The following CERT1 variants were observed in gnomAD, a reference collection of about 807,000 sequenced individuals.
CERT1 encodes the protein ceramide transfer protein.
A neutral mutation model predicts 87.9 loss-of-function variants in CERT1; 31 were observed. The ratio of observed to expected loss-of-function variants is 0.35; its 90% CI spans 0.27 to 0.48. The LOEUF is 0.48. Among genes scored for constraint, CERT1 ranks in the 20% least tolerant of loss-of-function variants. The pLI, the probability that CERT1 is intolerant of heterozygous loss-of-function variation, is 0.99. For missense variants in CERT1, 487 were observed against 758.0 expected (o/e 0.64, Z 4.20); for synonymous variants, 289 against 250.9 (o/e 1.15, Z -1.44).
chr5:75,369,736 T>A (rs146540481), intron 17 of CERT1: 18 of 152,328 alleles, frequency 1.2e-4, no homozygotes, highest in African/African-American at 4.3e-4. Flanking sequence ...AAATCCTGGT[T>A]TGGCATCTTC....
downstream of CERT1, chr5:75,377,707 A>G (rs972149962): frequency 6.6e-6 from 1 of 152,260 alleles, no homozygotes; most frequent in African/African-American, 2.4e-5. Context: ...AAAACTTTCT[A>G]GAAGAAACTA....
intron 8 of CERT1, among the ~76,000 whole-genome samples, chr5:75,409,321 A>G (rs1274276483): frequency 6.6e-6 from 1 of 152,250 alleles, no homozygotes; most frequent in East Asian, 1.9e-4. Flanking sequence ...AAGTCTCATC[A>G]GAATGCACTC....
chr5:75,396,435 G>C (rs1001488747), intron 11 of CERT1, among the ~76,000 whole-genome samples: 3 of 152,092 alleles, frequency 2.0e-5, no homozygotes, highest in African/African-American at 7.2e-5. Flanking sequence ...TGTGTATTAA[G>C]AACGATGTAG....
chr5:75,511,920 T>C (rs1445429521), upstream of CERT1: 1 of 1,202,664 alleles, frequency 8.3e-7, no homozygotes, highest in Non-Finnish European at 1.2e-6. Flanking sequence ...AACGGGTGAG[T>C]ATCCCGCGCG....
At chr5:75,380,986 A>G in intron 16 of CERT1, 86 bp downstream of exon 16, 1 of 1,411,088 alleles carries the variant, frequency 7.1e-7, no homozygotes, top group Non-Finnish European at 9.8e-7. Context: ...ATAAGAACTA[A>G]AAAGGCATTT....
intron 2 of CERT1, among the ~76,000 whole-genome samples, chr5:75,504,224 A>C (rs1226008857): frequency 6.6e-6 from 1 of 152,106 alleles, no homozygotes; most frequent in Admixed American, 6.5e-5. Context: ...ATTGATATGA[A>C]TAATGATCTA....
At chr5:75,467,315 T>C (rs1765496714) in intron 2 of CERT1, among the ~76,000 whole-genome samples, 2 of 151,302 alleles carry the variant, frequency 1.3e-5, no homozygotes, top group African/African-American at 4.9e-5. Flanking sequence ...GATTAGAGAG[T>C]AGAATGAAGG....
At chr5:75,428,139 A>G (rs1276864110) in intron 3 of CERT1, among the ~76,000 whole-genome samples, 5 of 152,178 alleles carry the variant, frequency 3.3e-5, no homozygotes, top group Non-Finnish European at 7.3e-5. Flanking sequence ...CTTTTTAGCT[A>G]TAAGAATACT....
chr5:75,490,910 C>T (rs1426514926), intron 2 of CERT1, among the ~76,000 whole-genome samples: 2 of 151,764 alleles, frequency 1.3e-5, no homozygotes, highest in Non-Finnish European at 2.9e-5. Context: ...TGCATTTTTC[C>T]CCTGGTTTTC....
At chr5:75,389,550 AGAGACGC>A (rs1466231776) in intron 12 of CERT1, 35 bp downstream of exon 12, 2 of 1,460,594 alleles carry the variant, frequency 1.4e-6, no homozygotes, top group African/African-American at 2.8e-5. Flanking sequence ...TGACTGAAAC[AGAGACGC>A]CTTTGGCAAT....
chr5:75,508,167 T>C (rs1380624155), intron 1 of CERT1, among the ~76,000 whole-genome samples: 1 of 152,244 alleles, frequency 6.6e-6, no homozygotes, highest in Non-Finnish European at 1.5e-5. Context: ...CTTCATGGAT[T>C]AATCCTACCT....
chr5:75,415,364 T>A (rs192988133), intron 7 of CERT1, among the ~76,000 whole-genome samples: 3 of 152,330 alleles, frequency 2.0e-5, no homozygotes, highest in Admixed American at 2.0e-4. Context: ...GGCTGTTCTT[T>A]GGTGGAGAGT....
At chr5:75,398,605 A>C (rs1762348162) in intron 11 of CERT1, among the ~76,000 whole-genome samples, 1 of 152,152 alleles carries the variant, frequency 6.6e-6, no homozygotes, top group Non-Finnish European at 1.5e-5. Flanking sequence ...AAGATTAAGA[A>C]AATTAAAAAA....
chr5:75,437,965 T>A (rs1764165348), intron 3 of CERT1, among the ~76,000 whole-genome samples: 1 of 152,094 alleles, frequency 6.6e-6, no homozygotes, highest in Non-Finnish European at 1.5e-5. Context: ...ATTCTGGTAA[T>A]GTCTACAATT....
intron 1 of CERT1, among the ~76,000 whole-genome samples, chr5:75,507,097 T>C (rs1240849700): frequency 6.6e-6 from 1 of 152,160 alleles, no homozygotes; most frequent in Non-Finnish European, 1.5e-5. Context: ...TAATTAAGCA[T>C]TTTTGAGATT....
intron 3 of CERT1, among the ~76,000 whole-genome samples, chr5:75,431,030 G>T (rs1028018486): frequency 3.3e-5 from 5 of 152,220 alleles, no homozygotes; most frequent in Admixed American, 1.3e-4. Flanking sequence ...GACACAGACA[G>T]ACTATCTCAA....
chr5:75,487,339 T>C (rs1297426499), intron 2 of CERT1, among the ~76,000 whole-genome samples: 1 of 152,002 alleles, frequency 6.6e-6, no homozygotes, highest in East Asian at 1.9e-4. Flanking sequence ...ATCAAATGGA[T>C]TAAATATTTA....
chr5:75,511,137 A>C lies in CERT1; in HGVS notation c.71T>G (p.Val24Gly). The C allele has an allele frequency of 1.2e-6, 2 of 1,604,388 alleles. No homozygotes were observed. The highest frequency in any genetic ancestry group is 1.7e-6 in the Non-Finnish European group (2 of 1,175,428). Residue 24 changes from valine (V) to glycine (G), a missense_variant, in exon 1 of 17, where the codon GTG becomes GGG. Around this residue, in one of 8 missense-constraint regions of CERT1, gnomAD observed 173 missense variants for 302.2 expected, o/e 0.57. Coordinates refer to ENST00000643780, the MANE Select transcript of CERT1 (RefSeq NM_001379029.1). ...CTTACTGAGGACCCCGCAGCGCTCC[A>C]CAGGCGGCCCAGACTCCGTCTCTGG... is the stretch of plus-strand genomic sequence containing the variant. Reference protein sequence around the residue: ...EDPETESGPPVERCGVLSKWT... With the variant: ...EDPETESGPPGERCGVLSKWT...
rs1325147824 is a variant in CERT1, at chr5:75,379,339, G to A, written c.*7C>T. ...AGATAAAACATATCTTCTAGTACCT[G>A]TTAATACTAGAACAAAATAGGCTTT... On this transcript the variant is annotated 3_prime_UTR_variant, in exon 17 of 17. Transcript: ENST00000643780. 2 of 1,608,432 alleles carry A rather than the reference G, an allele frequency of 1.2e-6. No homozygotes were observed. Among genetic ancestry groups the A allele is most frequent in the African/African-American group, 2.7e-5 (2 of 74,710 alleles).
Sources: gnomAD v4.1 joint callset for allele counts (sites outside exome capture counted in the v4.1 genomes callset) on GRCh38, gnomAD v4.1.1 for gene constraint, gnomAD v4.1.1 regional missense constraint, MANE v1.5 for transcripts, NCBI Gene and HGNC (gene_info 2026-07-23, HGNC 2026-07-21) for gene names.